WASHC4: variants seen among roughly 807,000 people sequenced by gnomAD.
WASHC4 encodes WASH complex subunit 7.
Under a neutral mutation model 166.6 loss-of-function variants are expected in WASHC4, and 86 were observed. The observed-to-expected ratio is 0.52, with a 90% CI of 0.43 to 0.62. WASHC4 has a LOEUF of 0.62. Ranked by LOEUF, WASHC4 falls within the 20% of genes least tolerant of loss-of-function variation. WASHC4 has a pLI of 0.00. For synonymous variants in WASHC4, 446 were observed against 451.6 expected (o/e 0.99, Z 0.16); for missense variants, 1,262 against 1,382.4 (o/e 0.91, Z 1.38).
At chr12:105,144,135 C>CT (rs1253529824) in intron 20 of WASHC4, 152 bp from the exon 21 acceptor site, 2 of 625,932 alleles carry the variant, frequency 3.2e-6, no homozygotes, top group African/African-American at 1.8e-5. Flanking sequence ...GAGTATTAAC[C>CT]TTAAGGTATT....
intron 10 of WASHC4, 41 bp downstream of exon 10, chr12:105,122,279 T>C (rs1880831733): frequency 1.9e-6 from 3 of 1,598,326 alleles, no homozygotes; most frequent in Non-Finnish European, 2.6e-6. Flanking sequence ...GGGGCTCATA[T>C]TAGACGACAA....
chr12:105,113,131 T>C (rs760956742), intron 2 of WASHC4, among the ~76,000 whole-genome samples: 11 of 152,118 alleles, frequency 7.2e-5, no homozygotes, highest in Non-Finnish European at 1.5e-4. Context: ...ATGTAAGTTA[T>C]AGGAACTCTA....
At chr12:105,118,818 T>C (rs1880444679) in intron 7 of WASHC4, among the ~76,000 whole-genome samples, 1 of 152,190 alleles carries the variant, frequency 6.6e-6, no homozygotes, top group South Asian at 2.1e-4. Context: ...GTGTTCTCTC[T>C]CTTTATTCCT....
Position 105,133,693 on chromosome 12 carries a change from A to G in WASHC4, c.1200-77A>G, listed in dbSNP as rs1004086455. On this transcript the variant is annotated intron_variant, in intron 13 of 32. Coordinates refer to ENST00000332180, the MANE Select transcript of WASHC4 (RefSeq NM_015275.3). ...AAGATGAAATGACTGCTGCAGGGAA[A>G]TAATGTACTGCAATCAGTATCAAGA... is the stretch of plus-strand genomic sequence containing the variant. The G allele has an allele frequency of 5.9e-5, 70 of 1,189,642 alleles. 1 individual carries two copies. Among genetic ancestry groups the G allele is most frequent in the Non-Finnish European group, 8.2e-5 (66 of 800,004 alleles). The allele number at this position is 1,189,642 out of a possible 1,614,324, so 73.7% of individuals were successfully genotyped here.
chr12:105,141,145 CT>C, intron 17 of WASHC4, 21 bp from the exon 18 acceptor site: 3 of 1,610,634 alleles, frequency 1.9e-6, no homozygotes, highest in Non-Finnish European at 2.5e-6. Context: ...ACTTCTCTGC[CT>C]TTTTTTCCTG....
intron 13 of WASHC4, among the ~76,000 whole-genome samples, chr12:105,128,532 A>G (rs1377093831): frequency 2.0e-5 from 3 of 152,342 alleles, no homozygotes; most frequent in East Asian, 1.9e-4. Flanking sequence ...TAGTTATAGT[A>G]CAGGTTGAGT....
intron 2 of WASHC4, among the ~76,000 whole-genome samples, 196 bp from the exon 3 acceptor site, chr12:105,114,020 G>T (rs1284017544): frequency 6.6e-6 from 1 of 151,954 alleles, no homozygotes; most frequent in East Asian, 1.9e-4. Flanking sequence ...AGTCGTGATT[G>T]TGTCATGTTG....
At chr12:105,134,273 A>G (rs1175477947) in intron 14 of WASHC4, among the ~76,000 whole-genome samples, 2 of 152,040 alleles carry the variant, frequency 1.3e-5, no homozygotes, top group East Asian at 3.8e-4. Flanking sequence ...TAATTTTAGT[A>G]TTTTGAAATT....
chr12:105,135,751 A>G (rs146325871), intron 14 of WASHC4, among the ~76,000 whole-genome samples: 220 of 151,990 alleles, frequency 1.4e-3, no homozygotes, highest in African/African-American at 5.1e-3. Context: ...TGGCTTTTTT[A>G]TAGTTTACAG....
Position 105,162,737 on chromosome 12 carries a change from A to T in WASHC4, c.3061-12A>T. On this transcript the variant is annotated splice_polypyrimidine_tract_variant and intron_variant, in intron 29 of 32. Transcript: ENST00000332180. Reference sequence around the variant, plus strand: ...AAAATTGTTTTTCTAACATGTTGTTACATCTTTTTAGACCCTCAACTTTGT... The same window carrying T: ...AAAATTGTTTTTCTAACATGTTGTTTCATCTTTTTAGACCCTCAACTTTGT... The T allele has an allele frequency of 7.2e-7, 1 of 1,389,218 alleles. No homozygotes were observed. The highest frequency in any genetic ancestry group is 1.0e-6 in the Non-Finnish European group (1 of 979,432). 86.1% of individuals were successfully genotyped at this position (1,389,218 alleles called of 1,614,324 possible).
intron 15 of WASHC4, 151 bp downstream of exon 15, chr12:105,138,162 C>T: frequency 1.5e-6 from 1 of 654,900 alleles, no homozygotes; most frequent in Non-Finnish European, 2.4e-6. Context: ...AGGAACTAGC[C>T]ATTTAAATAA....
chr12:105,137,861 T>C, intron 14 of WASHC4, 25 bp from the exon 15 acceptor site: 1 of 1,582,956 alleles, frequency 6.3e-7, no homozygotes, highest in Non-Finnish European at 8.7e-7. Flanking sequence ...TTCCTTGTGA[T>C]TATAATCAAT....
chr12:105,135,094 A>G (rs939730845), intron 14 of WASHC4, among the ~76,000 whole-genome samples: 4 of 151,722 alleles, frequency 2.6e-5, no homozygotes, highest in Non-Finnish European at 5.9e-5. Flanking sequence ...CTTTAGTTCT[A>G]TTTATCTCCC....
intron 13 of WASHC4, among the ~76,000 whole-genome samples, chr12:105,129,507 G>T (rs1054803202): frequency 1.3e-5 from 2 of 152,188 alleles, no homozygotes; most frequent in African/African-American, 2.4e-5. Flanking sequence ...CATAACCCAG[G>T]TATATTCCAT....
At chr12:105,163,027 G>A (rs925638042) in intron 30 of WASHC4, among the ~76,000 whole-genome samples, 182 bp downstream of exon 30, 2 of 151,324 alleles carry the variant, frequency 1.3e-5, no homozygotes, top group Admixed American at 6.6e-5. Context: ...GCAGTGGCAC[G>A]ATCACTGCAA....
chr12:105,144,074 A>G (rs925349956), intron 20 of WASHC4, among the ~76,000 whole-genome samples: 5 of 151,452 alleles, frequency 3.3e-5, no homozygotes, highest in African/African-American at 7.3e-5. Context: ...TTGCATATTC[A>G]TGTTCCTTAT....
intron 12 of WASHC4, among the ~76,000 whole-genome samples, chr12:105,126,795 A>G (rs1453999644): frequency 6.6e-6 from 1 of 152,000 alleles, no homozygotes; most frequent in African/African-American, 2.4e-5. Context: ...AATTTTTTAA[A>G]AAACTTATGT....
At position 105,114,238 on chromosome 12, in the gene WASHC4, C is replaced by T; in HGVS notation, c.224C>T (p.Ser75Phe). 2 of 1,610,596 alleles carry T rather than the reference C, an allele frequency of 1.2e-6. No homozygotes were observed. The highest frequency in any genetic ancestry group is 8.5e-7 in the Non-Finnish European group (1 of 1,177,936). ...ALKLLPYEQS[S>F]LLELIKTENK... is the part of the protein sequence containing the mutation. ...TAGCTTTTGCCTTATGAACAGTCCTCTCTTTTGGAACTCATAAAGACTGAA... is the reference window on the plus strand; with the variant it reads ...TAGCTTTTGCCTTATGAACAGTCCTTTCTTTTGGAACTCATAAAGACTGAA... Residue 75 changes from serine (S) to phenylalanine (F), a missense_variant, in exon 3 of 33, where the codon TCT becomes TTT. Transcript: ENST00000332180.
intron 11 of WASHC4, 52 bp downstream of exon 11, chr12:105,126,179 A>G (rs1481300207): frequency 1.2e-6 from 2 of 1,612,514 alleles, no homozygotes; most frequent in South Asian, 1.1e-5. Context: ...GCATTTCCTT[A>G]AAAGCATAAT....
Sources: gnomAD v4.1 joint callset for allele counts (sites outside exome capture counted in the v4.1 genomes callset) on GRCh38, gnomAD v4.1.1 for gene constraint, MANE v1.5 for transcripts, NCBI Gene and HGNC (gene_info 2026-07-23, HGNC 2026-07-21) for gene names.